Variants in DCC observed in about 807,000 individuals in gnomAD.
DCC encodes DCC netrin 1 receptor, also known as netrin receptor DCC.
A neutral mutation model predicts 172.5 loss-of-function variants in DCC; 58 were observed. The observed-to-expected ratio is 0.34, with a 90% CI of 0.27 to 0.42. DCC has a LOEUF of 0.42. Ranked by LOEUF, DCC falls within the 10% of genes least tolerant of loss-of-function variation. DCC has a pLI of 1.00. For synonymous variants in DCC, 709 were observed against 644.5 expected (o/e 1.10, Z -1.52); for missense variants, 1,740 against 1,791.0 (o/e 0.97, Z 0.51).
At chr18:53,393,292 A>G (rs72931320) in intron 17 of DCC, among the ~76,000 whole-genome samples, 14,091 of 152,224 alleles carry the variant, frequency 0.093, 847 homozygotes, top group East Asian at 0.21. Context: ...TTCACATTTC[A>G]TCATAAATCA....
chr18:52,987,565 T>C (rs2041315339), intron 5 of DCC, among the ~76,000 whole-genome samples: 1 of 152,172 alleles, frequency 6.6e-6, no homozygotes, highest in South Asian at 2.1e-4. Context: ...TCTATTTCTA[T>C]ATAGGTTATC....
chr18:53,283,048 A>G (rs1449169319), intron 12 of DCC, among the ~76,000 whole-genome samples: 1 of 152,222 alleles, frequency 6.6e-6, no homozygotes. Flanking sequence ...GGAATCAGTA[A>G]GTCAGCACTG....
chr18:52,452,485 T>C (rs1420852980), intron 1 of DCC, among the ~76,000 whole-genome samples: 1 of 152,226 alleles, frequency 6.6e-6, no homozygotes, highest in Non-Finnish European at 1.5e-5. Context: ...AATTGATCCA[T>C]GGCCTCTACC....
chr18:52,545,909 C>T (rs1481368896), intron 1 of DCC, among the ~76,000 whole-genome samples: 2 of 152,190 alleles, frequency 1.3e-5, no homozygotes, highest in African/African-American at 4.8e-5. Context: ...ACTTGTTACA[C>T]AACTTTTCCA....
chr18:52,519,676 T>G (rs1250320120), intron 1 of DCC, among the ~76,000 whole-genome samples: 1 of 152,166 alleles, frequency 6.6e-6, no homozygotes, highest in East Asian at 1.9e-4. Flanking sequence ...TGCAGGTTTA[T>G]AAAGTGGAGC....
intron 7 of DCC, among the ~76,000 whole-genome samples, chr18:53,155,592 T>G (rs2054718498): frequency 6.6e-6 from 1 of 152,250 alleles, no homozygotes; most frequent in Admixed American, 6.5e-5. Flanking sequence ...AGACAGTTTT[T>G]TAATTGTGAA....
intron 1 of DCC, among the ~76,000 whole-genome samples, chr18:52,614,282 T>C (rs573158597): frequency 6.6e-6 from 1 of 152,306 alleles, no homozygotes; most frequent in Admixed American, 6.5e-5. Flanking sequence ...TCTTTGAAGG[T>C]GACCTTATCA....
intron 7 of DCC, among the ~76,000 whole-genome samples, chr18:53,081,906 GAC>G (rs2042811942): frequency 6.6e-6 from 1 of 152,030 alleles, no homozygotes; most frequent in African/African-American, 2.4e-5. Flanking sequence ...GGGAATTGGG[GAC>G]AGTTAAGGGT....
intron 7 of DCC, among the ~76,000 whole-genome samples, chr18:53,100,591 A>G (rs115642162): frequency 0.011 from 1,608 of 151,998 alleles, 25 homozygotes; most frequent in African/African-American, 0.037. Flanking sequence ...AAGATAGAAG[A>G]AGCAGGACAA....
At chr18:52,557,690 T>C (rs916214464) in intron 1 of DCC, among the ~76,000 whole-genome samples, 8 of 152,232 alleles carry the variant, frequency 5.3e-5, no homozygotes, top group Non-Finnish European at 1.2e-4. Context: ...CTACCTAATT[T>C]ACTCTGTCAC....
chr18:53,467,824 C>T, intron 24 of DCC, 70 bp from the exon 25 acceptor site: 1 of 825,158 alleles, frequency 1.2e-6, no homozygotes, highest in Non-Finnish European at 2.2e-6. Context: ...CATTGGAATG[C>T]CTGCTAGAAA....
chr18:53,406,254 C>T (rs988700052), intron 19 of DCC, among the ~76,000 whole-genome samples: 1 of 152,142 alleles, frequency 6.6e-6, no homozygotes, highest in Non-Finnish European at 1.5e-5. Flanking sequence ...CATCAAACCA[C>T]TTTTCTTCCC....
intron 1 of DCC, among the ~76,000 whole-genome samples, chr18:52,548,829 C>G (rs917216856): frequency 1.3e-5 from 2 of 152,022 alleles, no homozygotes; most frequent in Non-Finnish European, 2.9e-5. Context: ...CAGTATTACC[C>G]AATAAAGTAT....
intron 2 of DCC, among the ~76,000 whole-genome samples, chr18:52,755,241 G>A (rs1283235871): frequency 6.6e-6 from 1 of 152,204 alleles, no homozygotes; most frequent in Non-Finnish European, 1.5e-5. Context: ...CTGATATTTT[G>A]ATGCCTTATT....
At chr18:53,190,000 T>C (rs6508205) in intron 9 of DCC, among the ~76,000 whole-genome samples, 19,994 of 152,216 alleles carry the variant, frequency 0.13, 1,597 homozygotes, top group African/African-American at 0.22. Context: ...GATCCTGGCT[T>C]ACTGTAACCT....
At position 52,340,860 on chromosome 18, in the gene DCC, G is replaced by A. The variant is rs764708082; in HGVS notation, c.73G>A (p.Ala25Thr). ...FVLFGASLFS[A>T]HLQVTGFQIK... Reference sequence around the variant, plus strand: ...ACTCTTCGGAGCTTCCTTGTTCAGCGCGCATCTTCAAGTAACCGGTAAGTG... The same window carrying A: ...ACTCTTCGGAGCTTCCTTGTTCAGCACGCATCTTCAAGTAACCGGTAAGTG... The change falls in exon 1 of 29, where the codon GCG becomes ACG. Residue 25 changes from alanine to threonine, a missense_variant. By Grantham distance (58) the Ala-to-Thr change is moderately conservative (BLOSUM62 0). Coordinates refer to ENST00000442544, the MANE Select transcript of DCC (RefSeq NM_005215.4). The A allele has an allele frequency of 1.2e-6, 2 of 1,613,796 alleles. No individual in the cohort carries two copies. Among genetic ancestry groups the A allele is most frequent in the Non-Finnish European group, 1.7e-6 (2 of 1,179,726 alleles).
chr18:53,470,341 G>A (rs975242790), intron 25 of DCC, among the ~76,000 whole-genome samples: 10 of 151,998 alleles, frequency 6.6e-5, no homozygotes, highest in African/African-American at 2.4e-4. Flanking sequence ...CCTCAGCCTG[G>A]ACTTCATTGT....
chr18:52,784,768 G>C (rs192187611), intron 2 of DCC, among the ~76,000 whole-genome samples: 58 of 152,024 alleles, frequency 3.8e-4, no homozygotes, highest in African/African-American at 1.4e-3. Context: ...ATATGGCTAT[G>C]TTGCTTGGGA....
intron 2 of DCC, among the ~76,000 whole-genome samples, chr18:52,753,681 T>C (rs969125619): frequency 9.2e-5 from 14 of 152,166 alleles, no homozygotes; most frequent in African/African-American, 1.4e-4. Context: ...AGTAATAAGA[T>C]GAACAGTTTT....
Sources: gnomAD v4.1 joint callset for allele counts (sites outside exome capture counted in the v4.1 genomes callset) on GRCh38, gnomAD v4.1.1 for gene constraint, MANE v1.5 for transcripts, NCBI Gene and HGNC (gene_info 2026-07-23, HGNC 2026-07-21) for gene names.